PRSS12: variants seen among roughly 807,000 people sequenced by gnomAD.
PRSS12 encodes the protein neurotrypsin.
In PRSS12, 85 loss-of-function variants were observed where a neutral mutation model predicts 104.4. That is an observed-to-expected ratio of 0.81 (90% confidence interval 0.68 to 0.98). The LOEUF is 0.98. Among genes scored for constraint, PRSS12 ranks in the 50% least tolerant of loss-of-function variants. PRSS12 has a pLI of 0.00. For missense variants in PRSS12, 1,141 were observed against 1,139.2 expected (o/e 1.00, Z -0.02); for synonymous variants, 454 against 425.2 (o/e 1.07, Z -0.83).
chr4:118,350,655 T>C (rs1166171161), intron 1 of PRSS12, among the ~76,000 whole-genome samples: 1 of 152,154 alleles, frequency 6.6e-6, no homozygotes, highest in African/African-American at 2.4e-5. Context: ...ATTCAAAAGA[T>C]TTACATTTCT....
chr4:118,323,123 C>A (rs536939323), intron 4 of PRSS12, among the ~76,000 whole-genome samples: 1 of 151,980 alleles, frequency 6.6e-6, no homozygotes, highest in Non-Finnish European at 1.5e-5. Flanking sequence ...AGTTTGCAGA[C>A]CCCTGCTCTA....
At chr4:118,290,933 AG>A (rs1187424595) in intron 11 of PRSS12, among the ~76,000 whole-genome samples, 4 of 152,106 alleles carry the variant, frequency 2.6e-5, no homozygotes, top group African/African-American at 9.7e-5. Flanking sequence ...CCTTCCTCAC[AG>A]TCCCTCCAGT....
At chr4:118,344,401 T>C (rs1319649253) in intron 1 of PRSS12, among the ~76,000 whole-genome samples, 2 of 151,288 alleles carry the variant, frequency 1.3e-5, no homozygotes, top group Admixed American at 1.3e-4. Context: ...TTATTTTCTT[T>C]CTTCACTATA....
At position 118,336,705 on chromosome 4, in the gene PRSS12, T is replaced by C. The variant is rs529722251; in HGVS notation, c.642-1054A>G. On this transcript the variant is annotated intron_variant, in intron 2 of 12. Coordinates refer to ENST00000296498, the MANE Select transcript of PRSS12 (RefSeq NM_003619.4). Reference sequence around the variant, plus strand: ...ACCACACAGTAGTTCACACCTCCACTATAGCGTTCTTGTTTCTTTGTATCT... The same window carrying C: ...ACCACACAGTAGTTCACACCTCCACCATAGCGTTCTTGTTTCTTTGTATCT... Among the ~76,000 whole-genome samples the C allele has an allele frequency of 6.0e-4, 91 of 152,366 alleles. 1 individual carries two copies. In the South Asian group the frequency reaches 0.012, roughly 20 times the overall value.
chr4:118,349,050 C>T (rs1371627128), intron 1 of PRSS12, among the ~76,000 whole-genome samples: 1 of 151,978 alleles, frequency 6.6e-6, no homozygotes, highest in East Asian at 1.9e-4. Context: ...GGAACATCCA[C>T]GCCCAGCCCT....
intron 8 of PRSS12, among the ~76,000 whole-genome samples, chr4:118,302,154 C>T (rs988254877): frequency 1.3e-5 from 2 of 152,136 alleles, no homozygotes; most frequent in African/African-American, 4.8e-5. Flanking sequence ...GGGTGACACA[C>T]TGAATTACAT....
At chr4:118,348,372 G>A (rs1196622040) in intron 1 of PRSS12, among the ~76,000 whole-genome samples, 6 of 152,158 alleles carry the variant, frequency 3.9e-5, no homozygotes, top group Non-Finnish European at 7.3e-5. Flanking sequence ...AGAATGGTGG[G>A]CTCAGTTAGT....
At chr4:118,289,781 CAGA>C (rs926023360) in intron 11 of PRSS12, among the ~76,000 whole-genome samples, 4 of 152,148 alleles carry the variant, frequency 2.6e-5, no homozygotes, top group African/African-American at 9.7e-5. Context: ...AAAGCCAAGT[CAGA>C]AGGATATATA....
rs776444732 is a variant in PRSS12 at position 118,352,548 on chromosome 4, G to T, written c.173C>A (p.Pro58Gln). 2.0e-6 allele frequency: 3 copies of T among 1,515,590 alleles called. No individual in the cohort carries two copies. The highest frequency in any genetic ancestry group is 2.7e-6 in the Non-Finnish European group (3 of 1,129,016). 93.9% of individuals were successfully genotyped at this position (1,515,590 alleles called of 1,614,324 possible). A position where few individuals can be genotyped will look rare whatever the true frequency, so the allele number is the denominator to read the frequency against. The stretch of plus-strand genomic sequence containing the variant: ...CGGGAAGCGCGGGAGAGGCGGCGGC[G>T]GACGCGTCCTCGGGGGCCGCTGCTG... ...PTQQRPPRTR[P>Q]PPPLPRFPRP... The change falls in exon 1 of 13, where the codon CCG becomes CAG. Residue 58 changes from proline (P) to glutamine (Q), a missense_variant. By Grantham distance (76) the Pro-to-Gln change is moderately conservative. Transcript: ENST00000296498.
chr4:118,352,209 G>C lies in PRSS12; in HGVS notation c.502+10C>G, dbSNP rs1285773038. 1.2e-6 allele frequency: 2 copies of C among 1,611,048 alleles called. No individual in the cohort carries two copies. Among genetic ancestry groups the C allele is most frequent in the Non-Finnish European group, 1.7e-6 (2 of 1,179,540 alleles). ...TCCGGAGTTTCCGCGGCCGCCCCGA[G>C]GCCACTAACCGTGTCTGCAGTCGCA... On this transcript the variant is annotated intron_variant, in intron 1 of 12. Coordinates refer to ENST00000296498, the MANE Select transcript of PRSS12 (RefSeq NM_003619.4).
At chr4:118,317,658 G>A (rs1446514686) in intron 5 of PRSS12, among the ~76,000 whole-genome samples, 3 of 152,150 alleles carry the variant, frequency 2.0e-5, no homozygotes, top group African/African-American at 4.8e-5. Context: ...ACAACTGCAT[G>A]TATAGAAGTA....
In PRSS12 at chr4:118,352,523, C is replaced by T; in HGVS notation, c.198G>A (p.Pro66=). Residue 66 remains proline (P), a synonymous_variant, in exon 1 of 13, where the codon CCG becomes CCA. Transcript: ENST00000296498. ...GGGCAGGGAGCGCCCGCGGGGGGCGCGGGAAGCGCGGGAGAGGCGGCGGCG... is the reference window on the plus strand; with the variant it reads ...GGGCAGGGAGCGCCCGCGGGGGGCGTGGGAAGCGCGGGAGAGGCGGCGGCG... ...TRPPPPLPRF[P]RPPRALPAQR... 1.4e-6 allele frequency: 2 copies of T among 1,467,098 alleles called. No homozygotes were observed. The highest frequency in any genetic ancestry group is 2.3e-5 in the Admixed American group (1 of 42,628). The allele number at this position is 1,467,098 out of a possible 1,614,324, so 90.9% of individuals were successfully genotyped here.
chr4:118,333,570 T>C (rs894741912), intron 3 of PRSS12, among the ~76,000 whole-genome samples: 14 of 152,328 alleles, frequency 9.2e-5, no homozygotes, highest in Middle Eastern at 3.4e-3. Flanking sequence ...TCACAAATTA[T>C]GATGTTTATT....
chr4:118,294,598 T>C (rs1743210769), intron 11 of PRSS12, among the ~76,000 whole-genome samples: 1 of 152,066 alleles, frequency 6.6e-6, no homozygotes, highest in Non-Finnish European at 1.5e-5. Flanking sequence ...TCCTTATCAT[T>C]ATAACTAAAT....
intron 4 of PRSS12, among the ~76,000 whole-genome samples, chr4:118,329,764 A>C (rs750201998): frequency 8.7e-4 from 132 of 152,280 alleles, no homozygotes; most frequent in Non-Finnish European, 1.5e-3. Flanking sequence ...TAAATTAAGA[A>C]ATACGTTATA....
At chr4:118,341,053 G>C (rs1407539966) in intron 1 of PRSS12, among the ~76,000 whole-genome samples, 1 of 152,178 alleles carries the variant, frequency 6.6e-6, no homozygotes, top group Non-Finnish European at 1.5e-5. Flanking sequence ...AGAAAGCTGG[G>C]ACATGAGGGG....
chr4:118,341,852 C>T (rs1452037492), intron 1 of PRSS12, among the ~76,000 whole-genome samples: 1 of 152,174 alleles, frequency 6.6e-6, no homozygotes, highest in Non-Finnish European at 1.5e-5. Context: ...TAAGCAAAGA[C>T]CCTGAAATAC....
chr4:118,304,905 TA>T (rs55974481), intron 8 of PRSS12, among the ~76,000 whole-genome samples: 6,518 of 152,022 alleles, frequency 0.043, 214 homozygotes, highest in Non-Finnish European at 0.068. Context: ...TTCCAAGGAC[TA>T]ATCCTCATGC....
chr4:118,344,105 G>A (rs896845075), intron 1 of PRSS12, among the ~76,000 whole-genome samples: 3 of 151,988 alleles, frequency 2.0e-5, no homozygotes, highest in African/African-American at 7.2e-5. Flanking sequence ...TTGACAAAAA[G>A]TACACTTAAA....
Sources: gnomAD v4.1 joint callset for allele counts (sites outside exome capture counted in the v4.1 genomes callset) on GRCh38, gnomAD v4.1.1 for gene constraint, MANE v1.5 for transcripts, NCBI Gene and HGNC (gene_info 2026-07-23, HGNC 2026-07-21) for gene names.